The following PTH2R variants were observed in gnomAD, a reference collection of about 807,000 sequenced individuals.
PTH2R encodes parathyroid hormone 2 receptor, also known as PTH2 receptor.
PTH2R carries 59 observed loss-of-function variants against 60.3 expected under a neutral mutation model. The observed-to-expected ratio is 0.98, with a 90% CI of 0.79 to 1.22. The LOEUF is 1.22. Among genes scored for constraint, PTH2R ranks in the 50% most tolerant of loss-of-function variants. The pLI, the probability that PTH2R is intolerant of heterozygous loss-of-function variation, is 0.00. For missense variants in PTH2R, 749 were observed against 682.6 expected (o/e 1.10, Z -1.08); for synonymous variants, 256 against 243.8 (o/e 1.05, Z -0.47).
At chr2:208,457,717 G>C (rs568383762) in intron 8 of PTH2R, among the ~76,000 whole-genome samples, 1 of 152,124 alleles carries the variant, frequency 6.6e-6, no homozygotes, top group Non-Finnish European at 1.5e-5. Context: ...ACAGGAACAT[G>C]GGGAGGACTG....
At chr2:208,447,614 T>G (rs1702314477) in intron 7 of PTH2R, among the ~76,000 whole-genome samples, 1 of 141,848 alleles carries the variant, frequency 7.0e-6, no homozygotes. Context: ...GAAAAATAAA[T>G]AAATAAATAA....
At chr2:208,475,049 C>T (rs1702969734) in intron 9 of PTH2R, among the ~76,000 whole-genome samples, 1 of 152,170 alleles carries the variant, frequency 6.6e-6, no homozygotes, top group East Asian at 1.9e-4. Flanking sequence ...TGATGGCAAT[C>T]CATGGTTTTT....
rs1482687611 is a variant in PTH2R at position 208,369,367 on chromosome 2, TCTC to T, written c.-259+9131_-259+9133del. On this transcript the variant is annotated intron_variant, in intron 1 of 12. Coordinates refer to the PTH2R transcript ENST00000617735. ...TGTCTGTAAACAACACTGGTCTCTC[TCTC>T]TTTTTTTTTTTTTTTAGAAGGAATC... 1.0e-3 allele frequency among the ~76,000 whole-genome samples: 47 copies of T among 45,748 alleles called. 7 individuals carry two copies. Among genetic ancestry groups the T allele is most frequent in the African/African-American group, 1.4e-3 (25 of 17,692 alleles). 30.0% of individuals were successfully genotyped at this position (45,748 alleles called of 152,430 possible). A position where few individuals can be genotyped will look rare whatever the true frequency, so the allele number is the denominator to read the frequency against.
At chr2:208,480,432 C>A (rs553141660) in intron 9 of PTH2R, among the ~76,000 whole-genome samples, 2 of 152,278 alleles carry the variant, frequency 1.3e-5, no homozygotes, top group East Asian at 1.9e-4. Flanking sequence ...CTTCACTGAT[C>A]CTTGAGGTCC....
chr2:208,389,483 C>T (rs1701067186), intron 1 of PTH2R, among the ~76,000 whole-genome samples: 1 of 152,190 alleles, frequency 6.6e-6, no homozygotes, highest in African/African-American at 2.4e-5. Flanking sequence ...AACAGAAGCA[C>T]TGGAGGACAA....
intron 1 of PTH2R, among the ~76,000 whole-genome samples, chr2:208,384,740 C>T (rs571654538): frequency 4.4e-4 from 67 of 152,312 alleles, no homozygotes; most frequent in African/African-American, 1.5e-3. Context: ...ATGTTTTGAG[C>T]AAGCATTTCC....
In PTH2R at chr2:208,440,300, G is replaced by A. The variant is rs564931514; in HGVS notation, c.412-2064G>A. On this transcript the variant is annotated intron_variant, in intron 4 of 12. Coordinates refer to ENST00000272847, the MANE Select transcript of PTH2R (RefSeq NM_005048.4). Reference sequence around the variant, plus strand: ...ACTTCAAGAAATATGTGAAGTACATGAAGTACTAACAGTGTTTCTTTCTGA... The same window carrying A: ...ACTTCAAGAAATATGTGAAGTACATAAAGTACTAACAGTGTTTCTTTCTGA... Among the ~76,000 whole-genome samples, 16 of 152,260 alleles carry A rather than the reference G, an allele frequency of 1.1e-4. No homozygotes were observed. The South Asian group carries it at 2.3e-3, about 22-fold the overall frequency.
intron 1 of PTH2R, among the ~76,000 whole-genome samples, chr2:208,397,320 GC>G (rs1203150743): frequency 6.6e-6 from 1 of 151,696 alleles, no homozygotes; most frequent in Admixed American, 6.6e-5. Context: ...AAAAAAAGAG[GC>G]CAAGAGCACC....
chr2:208,402,549 G>A (rs1265263583), upstream of PTH2R, among the ~76,000 whole-genome samples: 1 of 152,064 alleles, frequency 6.6e-6, no homozygotes, highest in East Asian at 1.9e-4. Flanking sequence ...CTTATTTTAA[G>A]TGATAAAGAA....
In PTH2R at chr2:208,489,267, T is replaced by TG. The variant is rs1438337939; in HGVS notation, c.1215+123dup. The TG allele has an allele frequency of 7.6e-6, 10 of 1,320,794 alleles. No homozygotes were observed. In the African/African-American group the frequency reaches 1.2e-4, roughly 16 times the overall value. The allele number at this position is 1,320,794 out of a possible 1,614,324, so 81.8% of individuals were successfully genotyped here. A position where few individuals can be genotyped will look rare whatever the true frequency, so the allele number is the denominator to read the frequency against. ...GCTTTGATGCACCTGTCTGGGGAGT[T>TG]GGGGGGTGCAGAAAGGTCAATATTT... On this transcript the variant is annotated intron_variant, in intron 11 of 12. Coordinates refer to ENST00000272847, the MANE Select transcript of PTH2R (RefSeq NM_005048.4).
At chr2:208,432,639 C>T (rs1015118771) in intron 2 of PTH2R, among the ~76,000 whole-genome samples, 1 of 152,118 alleles carries the variant, frequency 6.6e-6, no homozygotes, top group Non-Finnish European at 1.5e-5. Context: ...AGAAAGAAGA[C>T]AATAGTGGCT....
intron 1 of PTH2R, among the ~76,000 whole-genome samples, chr2:208,361,644 A>G (rs1700476263): frequency 6.6e-6 from 1 of 152,038 alleles, no homozygotes; most frequent in African/African-American, 2.4e-5. Flanking sequence ...TATGAATTTG[A>G]CTACTTATAT....
intron 1 of PTH2R, among the ~76,000 whole-genome samples, chr2:208,378,050 G>A (rs1192957330): frequency 2.6e-5 from 4 of 151,916 alleles, no homozygotes; most frequent in South Asian, 4.1e-4. Context: ...GTAGCTAGCC[G>A]AGATCACGCC....
intron 1 of PTH2R, among the ~76,000 whole-genome samples, chr2:208,423,985 G>T (rs1701806680): frequency 6.6e-6 from 1 of 152,164 alleles, no homozygotes; most frequent in Non-Finnish European, 1.5e-5. Context: ...CACCTATGGT[G>T]GGCTGCTCCG....
intron 1 of PTH2R, among the ~76,000 whole-genome samples, chr2:208,396,092 A>T (rs886679118): frequency 2.0e-5 from 3 of 152,246 alleles, no homozygotes; most frequent in African/African-American, 7.2e-5. Flanking sequence ...TGGTGCTGGG[A>T]AAACTGGCTG....
rs767509409 is a variant in PTH2R, at chr2:208,444,711, A to G, written c.700-23A>G. 3.1e-6 allele frequency: 5 copies of G among 1,607,196 alleles called. No homozygotes were observed. In the South Asian group the frequency reaches 5.6e-5, roughly 18 times the overall value. On this transcript the variant is annotated intron_variant, in intron 6 of 12. Coordinates refer to ENST00000272847, the MANE Select transcript of PTH2R (RefSeq NM_005048.4). ...TACAACAAAGTGTTCTAATATGATG[A>G]AATTCTGGTTTATTTGTAATAGATC...
At chr2:208,365,655 C>A (rs1284085438) in intron 1 of PTH2R, among the ~76,000 whole-genome samples, 1 of 150,346 alleles carries the variant, frequency 6.7e-6, no homozygotes, top group African/African-American at 2.4e-5. Flanking sequence ...TTTTGCCTAG[C>A]TTTGATATCA....
At chr2:208,379,773 T>A (rs1700877107) in intron 1 of PTH2R, among the ~76,000 whole-genome samples, 1 of 151,352 alleles carries the variant, frequency 6.6e-6, no homozygotes. Flanking sequence ...GGCACGAGAA[T>A]CACTTGAACC....
At chr2:208,363,485 A>G (rs899793510) in intron 1 of PTH2R, among the ~76,000 whole-genome samples, 2 of 152,206 alleles carry the variant, frequency 1.3e-5, no homozygotes, top group Non-Finnish European at 2.9e-5. Context: ...ATATGTGTGC[A>G]TGTGTCTTTG....
Sources: gnomAD v4.1 joint callset for allele counts (sites outside exome capture counted in the v4.1 genomes callset) on GRCh38, gnomAD v4.1.1 for gene constraint, MANE v1.5 for transcripts, NCBI Gene and HGNC (gene_info 2026-07-23, HGNC 2026-07-21) for gene names.